Variants in TENM2 observed in about 807,000 individuals in gnomAD.
TENM2 encodes teneurin transmembrane protein 2.
Under a neutral mutation model 245.2 loss-of-function variants are expected in TENM2, and 52 were observed. That is an observed-to-expected ratio of 0.21 (90% CI 0.17 to 0.27). The LOEUF is 0.27. TENM2 is among the 10% of genes least tolerant of loss of function. The pLI is 1.00. For synonymous variants in TENM2, 1,363 were observed against 1,438.9 expected, an observed-to-expected ratio of 0.95 and a Z score of 1.19; for missense variants, 3,046 against 3,666.8, an observed-to-expected ratio of 0.83 and a Z score of 4.37.
At chr5:167,437,224 T>C (rs951214321) in intron 2 of TENM2, among the ~76,000 whole-genome samples, 8 of 152,186 alleles carry the variant, frequency 5.3e-5, no homozygotes, top group African/African-American at 1.9e-4. Context: ...AACCCACCTC[T>C]TGCATCAGCA....
At chr5:167,018,119 A>G in the TENM2 span, among the ~76,000 whole-genome samples, 3 of 152,238 alleles carry the variant, frequency 2.0e-5, no homozygotes, top group African/African-American at 7.2e-5. Flanking sequence ...GATTAAAGGT[A>G]TATCAAGCCA....
intron 25 of TENM2, among the ~76,000 whole-genome samples, chr5:168,238,810 T>C (rs192388546): frequency 3.0e-4 from 45 of 152,280 alleles, no homozygotes; most frequent in Non-Finnish European, 3.2e-4. Context: ...TAAAAAAGCA[T>C]GCTAAATAGC....
chr5:167,615,619 C>G (rs912795817), intron 2 of TENM2, among the ~76,000 whole-genome samples: 3 of 151,986 alleles, frequency 2.0e-5, no homozygotes, highest in African/African-American at 4.8e-5. Flanking sequence ...GGACTTAGAC[C>G]TCTGACATGG....
At chr5:167,670,894 A>G (rs1755897988) in intron 2 of TENM2, among the ~76,000 whole-genome samples, 1 of 152,134 alleles carries the variant, frequency 6.6e-6, no homozygotes, top group Admixed American at 6.5e-5. Flanking sequence ...ATCCCAAGCC[A>G]TTGCATTTAC....
intron 12 of TENM2, among the ~76,000 whole-genome samples, chr5:168,135,578 T>C (rs1182405531): frequency 2.0e-5 from 3 of 152,196 alleles, no homozygotes; most frequent in Non-Finnish European, 4.4e-5. Flanking sequence ...TATTGAACTT[T>C]TCCATTAATG....
the TENM2 span, among the ~76,000 whole-genome samples, chr5:167,047,590 T>C: frequency 3.9e-5 from 6 of 152,348 alleles, no homozygotes; most frequent in South Asian, 1.0e-3. Flanking sequence ...ATAAATCTTG[T>C]AACTATTTGA....
intron 2 of TENM2, among the ~76,000 whole-genome samples, chr5:167,622,078 C>T (rs902049631): frequency 6.6e-6 from 1 of 152,168 alleles, no homozygotes; most frequent in African/African-American, 2.4e-5. Context: ...AATAAGATTA[C>T]ATAAGTGTTT....
chr5:167,445,369 A>AGTGAGAGT, intron 2 of TENM2, among the ~76,000 whole-genome samples: 1 of 98,606 alleles, frequency 1.0e-5, no homozygotes, highest in South Asian at 3.6e-4. Context: ...AGAGAGAGAG[A>AGTGAGAGT]GTGTCAGGTG....
chr5:167,433,928 C>T (rs1005639856), intron 2 of TENM2, among the ~76,000 whole-genome samples: 57 of 151,916 alleles, frequency 3.8e-4, no homozygotes, highest in African/African-American at 1.3e-3. Context: ...TTTAATAAAA[C>T]GGTATAGATG....
At position 167,872,518 on chromosome 5, in the gene TENM2, AAG is replaced by A. The variant is rs1296009388; in HGVS notation, c.503-3466_503-3465del. 8.7e-3 allele frequency among the ~76,000 whole-genome samples: 447 copies of A among 51,146 alleles called. 4 individuals are homozygous for A. Among genetic ancestry groups the A allele is most frequent in the African/African-American group, 0.021 (398 of 19,194 alleles). The allele number at this position is 51,146 out of a possible 152,430, so 33.6% of individuals were successfully genotyped here. ...AAAGAAAGAAAGAAAGAAAGAAAGA[AAG>A]AAAGAAAGAAAGAAAGAAAGAAAGA... On this transcript the variant is annotated intron_variant, in intron 2 of 28. Coordinates refer to ENST00000518659, the Ensembl canonical transcript of TENM2.
chr5:168,025,031 G>T (rs1786477472), intron 5 of TENM2, among the ~76,000 whole-genome samples: 1 of 152,126 alleles, frequency 6.6e-6, no homozygotes, highest in African/African-American at 2.4e-5. Flanking sequence ...GATTCGTAAG[G>T]CCCTTGGCAT....
In TENM2 at chr5:167,786,340, A is replaced by G. The variant is rs187661244; in HGVS notation, c.503-89646A>G. 2.8e-4 allele frequency among the ~76,000 whole-genome samples: 42 copies of G among 152,372 alleles called. No homozygotes were observed. In the East Asian group the frequency reaches 7.7e-3, roughly 28 times the overall value. ...GAAGAATAAGACAATTCTAGCTAAC[A>G]GAGTGACTGGACCTATGTTCATCTC... is the stretch of plus-strand genomic sequence containing the variant. On this transcript the variant is annotated intron_variant, in intron 2 of 28. Transcript: ENST00000518659.
chr5:167,421,991 C>A (rs555948766), intron 2 of TENM2, among the ~76,000 whole-genome samples: 4 of 152,080 alleles, frequency 2.6e-5, no homozygotes, highest in Non-Finnish European at 5.9e-5. Flanking sequence ...GGAGTTTCAC[C>A]ATCTTGGCCA....
chr5:167,311,607 C>T (rs1409621817), intron 1 of TENM2, among the ~76,000 whole-genome samples: 4 of 152,082 alleles, frequency 2.6e-5, no homozygotes, highest in Non-Finnish European at 5.9e-5. Flanking sequence ...GTGCGTTTTT[C>T]ATATTATAAT....
intron 2 of TENM2, among the ~76,000 whole-genome samples, chr5:167,580,175 C>G (rs894202810): frequency 3.3e-5 from 5 of 152,152 alleles, no homozygotes; most frequent in African/African-American, 1.2e-4. Flanking sequence ...TTCCTAACTA[C>G]CTGACGTGAA....
the TENM2 span, among the ~76,000 whole-genome samples, chr5:167,148,446 A>G: frequency 1.3e-5 from 2 of 152,218 alleles, no homozygotes; most frequent in Non-Finnish European, 2.9e-5. Context: ...ACAATCCTAT[A>G]GTGAGTTTAT....
At chr5:167,433,187 A>G (rs1283921821) in intron 2 of TENM2, among the ~76,000 whole-genome samples, 1 of 152,042 alleles carries the variant, frequency 6.6e-6, no homozygotes, top group Non-Finnish European at 1.5e-5. Flanking sequence ...AACAGCAGGT[A>G]ATCTGTATAC....
intron 21 of TENM2, among the ~76,000 whole-genome samples, chr5:168,216,349 C>T (rs1317942090): frequency 6.6e-6 from 1 of 152,206 alleles, no homozygotes; most frequent in Non-Finnish European, 1.5e-5. Context: ...CATCATTTCT[C>T]AGCATTACTG....
intron 2 of TENM2, among the ~76,000 whole-genome samples, chr5:167,445,311 TTATA>T (rs755614167): frequency 0.11 from 7,573 of 69,632 alleles, 574 homozygotes; most frequent in Middle Eastern, 0.15. Context: ...AACCATATGA[TTATA>T]TATATATATA....
Sources: allele counts gnomAD v4.1 joint callset (sites outside exome capture counted in the v4.1 genomes callset), GRCh38; gene constraint gnomAD v4.1.1; transcripts MANE v1.5; gene names NCBI Gene and HGNC (gene_info 2026-07-23, HGNC 2026-07-21).